Variants in CADPS2 observed in about 807,000 individuals in gnomAD.
CADPS2 encodes calcium-dependent secretion activator 2.
In CADPS2, 93 loss-of-function variants were observed where a neutral mutation model predicts 172.5. That is an observed-to-expected ratio of 0.54 (90% CI 0.46 to 0.64). The LOEUF is 0.64. Among genes scored for constraint, CADPS2 ranks in the 30% least tolerant of loss-of-function variants. The pLI, the probability that CADPS2 is intolerant of heterozygous loss-of-function variation, is 0.00. For missense variants in CADPS2, 1,420 were observed against 1,565.9 expected (o/e 0.91, Z 1.57); for synonymous variants, 546 against 555.2 (o/e 0.98, Z 0.23).
At chr7:122,369,184 T>G (rs979606285) in intron 25 of CADPS2, among the ~76,000 whole-genome samples, 1 of 121,038 alleles carries the variant, frequency 8.3e-6, no homozygotes, top group Non-Finnish European at 1.6e-5. Flanking sequence ...CAGGCTGGAG[T>G]GCAGTGGCGC....
intron 29 of CADPS2, among the ~76,000 whole-genome samples, 176 bp downstream of exon 29, chr7:122,325,301 A>G (rs1439671172): frequency 6.6e-6 from 1 of 152,090 alleles, no homozygotes; most frequent in African/African-American, 2.4e-5. Flanking sequence ...AGTGCAAAAA[A>G]GATAAATTTA....
At chr7:122,697,704 ACACTT>A (rs2085335044) in intron 2 of CADPS2, 2 of 1,035,460 alleles carry the variant, frequency 1.9e-6, no homozygotes, top group Middle Eastern at 2.7e-4. Flanking sequence ...CACAAAAACC[ACACTT>A]CAAACAGACA....
chr7:122,798,653 C>A (rs1348030581), intron 1 of CADPS2, among the ~76,000 whole-genome samples: 1 of 152,082 alleles, frequency 6.6e-6, no homozygotes, highest in Non-Finnish European at 1.5e-5. Context: ...TCTACCATTG[C>A]CTCCATCACA....
intron 24 of CADPS2, among the ~76,000 whole-genome samples, chr7:122,381,689 G>A (rs867928124): frequency 7.9e-5 from 12 of 152,106 alleles, no homozygotes; most frequent in East Asian, 3.9e-4. Context: ...ATACACTCCC[G>A]TAGATTGTTG....
intron 1 of CADPS2, among the ~76,000 whole-genome samples, chr7:122,855,560 G>T (rs1260298254): frequency 1.3e-5 from 2 of 152,212 alleles, no homozygotes; most frequent in East Asian, 3.9e-4. Context: ...CCCTGTGGCT[G>T]GTAGGGGCAA....
intron 2 of CADPS2, chr7:122,681,573 C>T (rs1369027922): frequency 4.0e-6 from 6 of 1,493,266 alleles, no homozygotes; most frequent in Middle Eastern, 2.3e-4. Context: ...AGTCAGGAAT[C>T]GATCTCGTGA....
intron 2 of CADPS2, among the ~76,000 whole-genome samples, chr7:122,722,131 C>A (rs1439171089): frequency 3.9e-5 from 6 of 152,150 alleles, no homozygotes; most frequent in Non-Finnish European, 7.4e-5. Context: ...AAAACTGGCA[C>A]AACACAGGGA....
intron 27 of CADPS2, among the ~76,000 whole-genome samples, chr7:122,353,141 T>C (rs964594685): frequency 6.6e-6 from 1 of 152,162 alleles, no homozygotes; most frequent in East Asian, 1.9e-4. Flanking sequence ...GTAATGGCAA[T>C]ACTTTTAAAT....
intron 7 of CADPS2, among the ~76,000 whole-genome samples, chr7:122,557,691 T>C (rs998548403): frequency 1.3e-5 from 2 of 152,246 alleles, no homozygotes; most frequent in Non-Finnish European, 2.9e-5. Flanking sequence ...GGTGAATGTG[T>C]TCTAGGTTTA....
rs1241921631 is a variant in CADPS2 at position 122,471,557 on chromosome 7, C to G, written c.2004G>C (p.Trp668Cys). Residue 668 changes from tryptophan to cysteine, a missense_variant, in exon 14 of 30, where the codon TGG (tryptophan) becomes TGC (cysteine). By Grantham distance (215) the Trp-to-Cys change is radical. Transcript: ENST00000449022. ...ACACAAAGACTTGGCCAGGGCTAAA[C>G]CATCCCTGCAAAATAAAAAAAGAAT... ...RLNDSYSCLG[W>C]FSPGQVFVLD... 5 of 1,581,992 alleles carry G rather than the reference C, an allele frequency of 3.2e-6. No individual in the cohort carries two copies. Among genetic ancestry groups the G allele is most frequent in the Non-Finnish European group, 4.3e-6 (5 of 1,165,580 alleles).
chr7:122,367,572 T>C (rs2041114373), intron 25 of CADPS2, among the ~76,000 whole-genome samples: 1 of 125,602 alleles, frequency 8.0e-6, no homozygotes, highest in Admixed American at 8.9e-5. Flanking sequence ...TTTAAGACAG[T>C]CTTACTTTGT....
intron 28 of CADPS2, among the ~76,000 whole-genome samples, chr7:122,334,898 GTCTA>G (rs1449265876): frequency 6.6e-6 from 1 of 152,136 alleles, no homozygotes; most frequent in Non-Finnish European, 1.5e-5. Flanking sequence ...CAAGGACTTG[GTCTA>G]TCTTGTTTAA....
At chr7:122,400,682 T>C (rs535762294) in intron 20 of CADPS2, among the ~76,000 whole-genome samples, 44 of 152,314 alleles carry the variant, frequency 2.9e-4, no homozygotes, top group African/African-American at 9.9e-4. Context: ...GTAAAGTGCA[T>C]ACTTATAAAA....
At chr7:122,568,068 A>C (rs1351725364) in intron 7 of CADPS2, among the ~76,000 whole-genome samples, 1 of 152,124 alleles carries the variant, frequency 6.6e-6, no homozygotes, top group Admixed American at 6.6e-5. Context: ...AAATAGATTA[A>C]AAAATGGGAA....
In CADPS2 at chr7:122,882,634, T is replaced by TTA. The variant is rs397968798; in HGVS notation, c.339+3364_339+3365insTA. 5.1e-3 allele frequency among the ~76,000 whole-genome samples: 774 copies of TTA among 150,378 alleles called. 6 individuals are homozygous for TTA. The highest frequency in any genetic ancestry group is 0.018 in the African/African-American group (740 of 40,946). Reference sequence around the variant, plus strand: ...AAGGAACCCTTTTTTTTTTTTTTTTTACTTTCTCCTCCGAGGTCTCAATGT... The same window carrying TTA: ...AAGGAACCCTTTTTTTTTTTTTTTTTTAACTTTCTCCTCCGAGGTCTCAATGT... On this transcript the variant is annotated intron_variant, in intron 1 of 29. Coordinates refer to ENST00000449022, the MANE Select transcript of CADPS2 (RefSeq NM_017954.11).
intron 14 of CADPS2, among the ~76,000 whole-genome samples, chr7:122,459,475 C>T (rs1473409199): frequency 6.6e-6 from 1 of 152,130 alleles, no homozygotes; most frequent in Admixed American, 6.6e-5. Flanking sequence ...TCAGCTTACA[C>T]TCTGGCCTGC....
At chr7:122,397,676 C>T (rs994039758) in intron 20 of CADPS2, among the ~76,000 whole-genome samples, 9 of 152,128 alleles carry the variant, frequency 5.9e-5, no homozygotes, top group African/African-American at 2.2e-4. Flanking sequence ...AATATGTAGC[C>T]TGAGGCATCA....
In CADPS2 at chr7:122,387,046, C is replaced by T; in HGVS notation, c.3292G>A (p.Ala1098Thr). The change falls in exon 24 of 30, where the codon GCC becomes ACC. Residue 1098 changes from alanine to threonine, a missense_variant. Coordinates refer to ENST00000449022, the MANE Select transcript of CADPS2 (RefSeq NM_017954.11). ...CATACCTCTTGTCCTCCATCCAGGG[C>T]ACAGAGTTTGGTGCTTTGCTTTTTG... ...DAKKQSTKLC[A>T]LDGGQEQQYH... 6.4e-7 allele frequency: 1 copy of T among 1,558,538 alleles called. No homozygotes were observed. The highest frequency in any genetic ancestry group is 8.7e-7 in the Non-Finnish European group (1 of 1,149,654).
chr7:122,617,055 G>A (rs570539838), intron 5 of CADPS2, among the ~76,000 whole-genome samples: 1 of 152,214 alleles, frequency 6.6e-6, no homozygotes, highest in South Asian at 2.1e-4. Context: ...TGTTGACACT[G>A]CATCTCTTTC....
Sources: allele counts gnomAD v4.1 joint callset (sites outside exome capture counted in the v4.1 genomes callset), GRCh38; gene constraint gnomAD v4.1.1; transcripts MANE v1.5; gene names NCBI Gene and HGNC (gene_info 2026-07-23, HGNC 2026-07-21).